The following FGF13 variants were observed in gnomAD, a reference collection of about 807,000 sequenced individuals.
The protein encoded by FGF13 is fibroblast growth factor 13, also known as fibroblast growth factor homologous factor 2.
Under a neutral mutation model 19.5 loss-of-function variants are expected in FGF13, and 2 were observed. The observed-to-expected ratio is 0.10, with a 90% CI of 0.04 to 0.32. FGF13 has a LOEUF of 0.32. FGF13 is among the 10% of genes least tolerant of loss of function. FGF13 has a pLI of 1.00. For synonymous variants in FGF13, 72 were observed against 76.9 expected (o/e 0.94, Z 0.33); for missense variants, 113 against 192.7 (o/e 0.59, Z 2.45).
intron 1 of FGF13, among the ~76,000 whole-genome samples, chrX:139,083,888 A>G (rs2083386802): frequency 9.2e-6 from 1 of 109,130 alleles, no homozygotes; most frequent in Non-Finnish European, 1.9e-5. Flanking sequence ...AAATAAATAA[A>G]AAAGAAAGAA....
rs771344395 is a variant in FGF13, at chrX:138,995,293, T to C, written c.-112-130643A>G. Among the ~76,000 whole-genome samples, 3 of 112,089 alleles carry C rather than the reference T, an allele frequency of 2.7e-5. No homozygotes were observed. In the Admixed American group the frequency reaches 2.8e-4, roughly 11 times the overall value. On this transcript the variant is annotated intron_variant, in intron 1 of 2. Transcript: ENST00000421460. ...GGATTGAGTACTTATTTTATTTATTTTTTAATTTTGATTTTTATTTATTTT... is the reference window on the plus strand; with the variant it reads ...GGATTGAGTACTTATTTTATTTATTCTTTAATTTTGATTTTTATTTATTTT...
chrX:138,947,839 A>G (rs1343033749), intron 1 of FGF13, among the ~76,000 whole-genome samples: 1 of 111,639 alleles, frequency 9.0e-6, no homozygotes, highest in Non-Finnish European at 1.9e-5. Flanking sequence ...TAATTTCAGT[A>G]AAATGAGGCC....
At chrX:139,086,447 G>A (rs957133427) in intron 1 of FGF13, among the ~76,000 whole-genome samples, 3 of 112,522 alleles carry the variant, frequency 2.7e-5, no homozygotes, top group African/African-American at 9.7e-5. Context: ...AGATAGAGCA[G>A]ATGGTTGCAC....
chrX:139,177,724 A>G (rs1307995421), intron 1 of FGF13, among the ~76,000 whole-genome samples: 1 of 111,146 alleles, frequency 9.0e-6, no homozygotes, highest in East Asian at 2.8e-4. Context: ...GCCCTTTTCC[A>G]GGGGAGTGAA....
Position 138,617,756 on chromosome X carries a change from A to G in FGF13, c.*15094T>C, listed in dbSNP as rs1227837271. ...GGAGTTCAAGACCCACCTGGGCAAC[A>G]TAGTGAGACCCCATCTCTACAAAAA... is the stretch of plus-strand genomic sequence containing the variant. On this transcript the variant is annotated 3_prime_UTR_variant, in exon 5 of 5. Coordinates refer to ENST00000315930, the MANE Select transcript of FGF13 (RefSeq NM_004114.5). The G allele has an allele frequency of 3.6e-5, 4 of 111,310 alleles. No homozygotes were observed. The highest frequency in any genetic ancestry group is 7.5e-5 in the Non-Finnish European group (4 of 53,130). 9.2% of individuals were successfully genotyped at this position (111,310 alleles called of 1,213,427 possible). A position where few individuals can be genotyped will look rare whatever the true frequency, so the allele number is the denominator to read the frequency against.
chrX:138,837,219 C>T (rs2091119299), intron 3 of FGF13, among the ~76,000 whole-genome samples: 1 of 111,732 alleles, frequency 8.9e-6, no homozygotes, highest in Non-Finnish European at 1.9e-5. Context: ...TGCTGGGGGT[C>T]CACTTCATCC....
chrX:138,847,845 C>T (rs2091194099), intron 3 of FGF13, among the ~76,000 whole-genome samples: 1 of 111,596 alleles, frequency 9.0e-6, no homozygotes, highest in South Asian at 3.8e-4. Context: ...GGCAATGCCT[C>T]GATGACAGCC....
intron 3 of FGF13, among the ~76,000 whole-genome samples, chrX:138,828,450 G>T (rs957175774): frequency 9.1e-6 from 1 of 109,677 alleles, no homozygotes; most frequent in African/African-American, 3.3e-5. Flanking sequence ...GGCGCCTGTA[G>T]TCCCAGCTAC....
At chrX:138,746,919 C>T (rs2090360423) in intron 3 of FGF13, among the ~76,000 whole-genome samples, 1 of 111,575 alleles carries the variant, frequency 9.0e-6, no homozygotes. Context: ...TAGTATCTCC[C>T]TAGGGCACTC....
rs375456576 is a variant in FGF13 at position 138,978,928 on chromosome X, C to CA, written c.-112-114279dup. On this transcript the variant is annotated intron_variant, in intron 1 of 2. Transcript: ENST00000421460. The stretch of plus-strand genomic sequence containing the variant: ...AAATTAAGTAAATAGTAAACTATTC[C>CA]AAAAAAAATGATAAGCATCAAGAGA... Among the ~76,000 whole-genome samples, 521 of 110,842 alleles carry CA rather than the reference C, an allele frequency of 4.7e-3. 1 individual carries two copies. The highest frequency in any genetic ancestry group is 0.015 in the African/African-American group (468 of 30,541).
chrX:138,738,398 C>CG (rs1313563563), intron 1 of FGF13, among the ~76,000 whole-genome samples: 1 of 112,096 alleles, frequency 8.9e-6, no homozygotes, highest in African/African-American at 3.2e-5. Flanking sequence ...CTTTATTCAG[C>CG]TAATATGAAG....
chrX:139,139,794 G>A (rs2083828851), intron 1 of FGF13, among the ~76,000 whole-genome samples: 1 of 111,614 alleles, frequency 9.0e-6, no homozygotes, highest in Non-Finnish European at 1.9e-5. Context: ...AAAACACAGA[G>A]AAGGGTAGAA....
chrX:139,076,089 G>T (rs1045580608), intron 1 of FGF13, among the ~76,000 whole-genome samples: 2 of 111,212 alleles, frequency 1.8e-5, no homozygotes, highest in Non-Finnish European at 3.8e-5. Flanking sequence ...ATGTAAAACT[G>T]CTCTCTGATG....
chrX:138,637,370 C>T (rs960316706), intron 3 of FGF13, among the ~76,000 whole-genome samples: 10 of 112,089 alleles, frequency 8.9e-5, no homozygotes, highest in Non-Finnish European at 1.7e-4. Flanking sequence ...AATCACTGTA[C>T]GGAAAAAAGT....
At chrX:139,037,553 T>C (rs890194293) in intron 1 of FGF13, among the ~76,000 whole-genome samples, 2 of 111,724 alleles carry the variant, frequency 1.8e-5, no homozygotes, top group Admixed American at 1.9e-4. Flanking sequence ...GTGTTTCTCC[T>C]GGAAGCTCTA....
intron 3 of FGF13, among the ~76,000 whole-genome samples, chrX:138,770,748 A>C (rs543528512): frequency 8.9e-6 from 1 of 112,172 alleles, no homozygotes; most frequent in East Asian, 2.8e-4. Context: ...GCAAATGGGC[A>C]TTAAATGTTT....
intron 1 of FGF13, among the ~76,000 whole-genome samples, chrX:139,054,980 C>T (rs979813735): frequency 1.4e-4 from 15 of 109,698 alleles, no homozygotes; most frequent in Non-Finnish European, 2.3e-4. Flanking sequence ...TTTGATCCTC[C>T]GCTTGGTCGC....
At position 139,173,493 on chromosome X, in the gene FGF13, G is replaced by A. The variant is rs1276033889; in HGVS notation, c.-113+29923C>T. On this transcript the variant is annotated intron_variant, in intron 1 of 2. Transcript: ENST00000421460. ...GGGTATATACGTGCCATGGTGGTTA[G>A]CTGCACCCATCAACCCGTCATCTAC... Among the ~76,000 whole-genome samples the A allele has an allele frequency of 3.6e-5, 4 of 110,601 alleles. No individual in the cohort carries two copies. In the Admixed American group the frequency reaches 3.9e-4, roughly 11 times the overall value.
At chrX:138,820,555 C>CA (rs1052304663) in intron 3 of FGF13, among the ~76,000 whole-genome samples, 2 of 110,860 alleles carry the variant, frequency 1.8e-5, no homozygotes, top group African/African-American at 6.5e-5. Flanking sequence ...AGGTGTGCTC[C>CA]AAAAAAAACC....
Sources: gnomAD v4.1 joint callset for allele counts (sites outside exome capture counted in the v4.1 genomes callset) on GRCh38, gnomAD v4.1.1 for gene constraint, MANE v1.5 for transcripts, NCBI Gene and HGNC (gene_info 2026-07-23, HGNC 2026-07-21) for gene names.